Variants in DNAH8 observed in about 807,000 individuals in gnomAD.
DNAH8 encodes dynein axonemal heavy chain 8.
A neutral mutation model predicts 562.1 loss-of-function variants in DNAH8; 382 were observed. The ratio of observed to expected loss-of-function variants is 0.68; its 90% CI spans 0.63 to 0.74. The LOEUF (loss-of-function observed/expected upper bound fraction) is 0.74, where lower values mean the gene tolerates loss of function less well. DNAH8 is among the 30% of genes least tolerant of loss of function. The pLI is 0.00. For missense variants in DNAH8, 5,203 were observed against 5,620.4 expected, an observed-to-expected ratio of 0.93 and a Z score of 2.37; for synonymous variants, 1,881 against 1,919.4, an observed-to-expected ratio of 0.98 and a Z score of 0.52.
chr6:38,916,614 C>T (rs974801394), intron 68 of DNAH8, among the ~76,000 whole-genome samples: 1 of 152,190 alleles, frequency 6.6e-6, no homozygotes, highest in Non-Finnish European at 1.5e-5. Flanking sequence ...TGCACCCCCA[C>T]TTCCTTTATG....
chr6:38,929,677 T>TAA lies in DNAH8; in HGVS notation c.11274+25_11274+26dup, dbSNP rs376615002. Reference sequence around the variant, plus strand: ...GGCACCACTTTCAAGGTGAGCTTTGTAAAAAAAAAAAAAAAGAAAGAAAGA... The same window carrying TAA: ...GGCACCACTTTCAAGGTGAGCTTTGTAAAAAAAAAAAAAAAAAGAAAGAAAGA... On this transcript the variant is annotated intron_variant, in intron 75 of 92. Coordinates refer to ENST00000327475, the MANE Select transcript of DNAH8 (RefSeq NM_001206927.2). 2,480 of 1,095,242 alleles carry TAA rather than the reference T, an allele frequency of 2.3e-3. 12 individuals carry two copies. Among genetic ancestry groups the TAA allele is most frequent in the East Asian group, 0.022 (704 of 31,594 alleles). The allele number at this position is 1,095,242 out of a possible 1,614,324, so 67.8% of individuals were successfully genotyped here. A position where few individuals can be genotyped will look rare whatever the true frequency, so the allele number is the denominator to read the frequency against.
At position 38,770,509 on chromosome 6, in the gene DNAH8, G is replaced by C. The variant is rs1347893341; in HGVS notation, c.1714G>C (p.Glu572Gln). The change falls in exon 12 of 93, where the codon GAA becomes CAA. Residue 572 changes from glutamate to glutamine, a missense_variant. Coordinates refer to ENST00000327475, the MANE Select transcript of DNAH8 (RefSeq NM_001206927.2). ...AGGGGAAAAATCTTTTGAGGTTTCA[G>C]AAATGTATATATTTGGAAAATTTGA... ...SSGEKSFEVS[E>Q]MYIFGKFEAF... 2 of 1,606,708 alleles carry C rather than the reference G, an allele frequency of 1.2e-6. No homozygotes were observed.
chr6:38,736,360 A>G (rs975266572), intron 5 of DNAH8, among the ~76,000 whole-genome samples: 2 of 152,196 alleles, frequency 1.3e-5, no homozygotes, highest in African/African-American at 4.8e-5. Context: ...TCATCAGAAT[A>G]CTAAGATGCT....
Position 38,940,217 on chromosome 6 carries a change from C to A in DNAH8, c.12007+1229C>A, listed in dbSNP as rs763129589. Among the ~76,000 whole-genome samples, 4 of 152,130 alleles carry A rather than the reference C, an allele frequency of 2.6e-5. No homozygotes were observed. The South Asian group carries it at 6.2e-4, about 24-fold the overall frequency. On this transcript the variant is annotated intron_variant, in intron 79 of 92. Transcript: ENST00000327475. ...CCCAACTGCAGGAATACATTCCTAA[C>A]CTAGCGTAAAGGCAATGGGAATATA...
chr6:38,968,127 C>G (rs555212941), intron 82 of DNAH8, among the ~76,000 whole-genome samples: 1 of 152,106 alleles, frequency 6.6e-6, no homozygotes, highest in Non-Finnish European at 1.5e-5. Flanking sequence ...TACATCACAA[C>G]ATACACAAAA....
At chr6:38,805,397 C>A (rs907860477) in intron 22 of DNAH8, 84 bp from the exon 23 acceptor site, 41 of 813,416 alleles carry the variant, frequency 5.0e-5, no homozygotes, top group African/African-American at 4.0e-4. Context: ...TAAAAAGGAA[C>A]TTCCTAAGAG....
In DNAH8 at chr6:38,752,494, T is replaced by C. The variant is rs549731992; in HGVS notation, c.1407+1905T>C. 1.7e-3 allele frequency among the ~76,000 whole-genome samples: 265 copies of C among 152,354 alleles called. 4 individuals carry two copies. The highest frequency in any genetic ancestry group is 6.2e-3 in the African/African-American group (258 of 41,580). ...AAATTAATTTAATTTGTGTCTGATA[T>C]CTGTGTCAGTATTCTTCACTCTAAT... On this transcript the variant is annotated intron_variant, in intron 9 of 92. Coordinates refer to ENST00000327475, the MANE Select transcript of DNAH8 (RefSeq NM_001206927.2).
chr6:38,935,677 A>G lies in DNAH8; in HGVS notation c.11543A>G (p.Tyr3848Cys). 1.2e-6 allele frequency: 2 copies of G among 1,609,664 alleles called. No individual in the cohort carries two copies. Among genetic ancestry groups the G allele is most frequent in the Admixed American group, 1.7e-5 (1 of 59,686 alleles). The change falls in exon 77 of 93, where the codon TAT becomes TGT. Residue 3848 changes from tyrosine (Y) to cysteine (C), a missense_variant. Around this residue, in one of 6 missense-constraint regions of DNAH8, gnomAD observed 1,399 missense variants for 1,518.4 expected, o/e 0.92. Transcript: ENST00000327475. ...KMKELEDNLLYKLSATKGSLV... is the reference protein window; with the variant it reads ...KMKELEDNLLCKLSATKGSLV... ...AAAGAACTTGAAGATAACCTCCTCT[A>G]TAAATTAAGTGCTACAAAAGGTATT... is the stretch of plus-strand genomic sequence containing the variant.
In DNAH8 at chr6:38,823,695, T is replaced by A. The variant is rs1428247262; in HGVS notation, c.3847+7T>A. 6 of 1,580,698 alleles carry A rather than the reference T, an allele frequency of 3.8e-6. No homozygotes were observed. The highest frequency in any genetic ancestry group is 1.8e-5 in the Admixed American group (1 of 57,062). On this transcript the variant is annotated splice_region_variant and intron_variant, in intron 28 of 92. Coordinates refer to ENST00000327475, the MANE Select transcript of DNAH8 (RefSeq NM_001206927.2). ...GCACTTGAATTACATACAGGTATTTTAAAAATGTTTATTATGTAAAGTATC... is the reference window on the plus strand; with the variant it reads ...GCACTTGAATTACATACAGGTATTTAAAAAATGTTTATTATGTAAAGTATC...
intron 89 of DNAH8, among the ~76,000 whole-genome samples, chr6:39,010,961 C>T (rs1766174917): frequency 6.6e-6 from 1 of 151,862 alleles, no homozygotes; most frequent in Non-Finnish European, 1.5e-5. Flanking sequence ...GGCTCTAGAA[C>T]CAAGAATTCT....
Position 38,898,367 on chromosome 6 carries a change from CTCATCT to C in DNAH8, c.9052_9057del (p.His3018_Leu3019del). The C allele has an allele frequency of 6.4e-7, 1 of 1,574,742 alleles. No homozygotes were observed. The highest frequency in any genetic ancestry group is 8.6e-7 in the Non-Finnish European group (1 of 1,166,914). ...CTGGTGTTTTTTAAAGATGCAATGA[CTCATCT>C]TATTAAGGTCCTAACTATTGCCTAT... On this transcript the variant is annotated inframe_deletion, in exon 61 of 93. Transcript: ENST00000327475.
intron 53 of DNAH8, among the ~76,000 whole-genome samples, chr6:38,879,541 G>T (rs1205807152): frequency 6.6e-6 from 1 of 152,186 alleles, no homozygotes; most frequent in Non-Finnish European, 1.5e-5. Context: ...ACACTCTTTT[G>T]TGATGAAATA....
At chr6:38,816,016 T>G (rs1323718577) in intron 26 of DNAH8, among the ~76,000 whole-genome samples, 1 of 152,032 alleles carries the variant, frequency 6.6e-6, no homozygotes, top group Non-Finnish European at 1.5e-5. Flanking sequence ...TTTTGACACT[T>G]CCTGTATAGA....
intron 68 of DNAH8, 68 bp downstream of exon 68, chr6:38,915,445 T>A (rs941232648): frequency 8.0e-7 from 1 of 1,248,406 alleles, no homozygotes; most frequent in Non-Finnish European, 1.0e-6. Flanking sequence ...TACATGAAAT[T>A]AACTCATCAG....
intron 86 of DNAH8, 58 bp downstream of exon 86, chr6:38,982,520 A>G (rs1764103917): frequency 3.1e-6 from 3 of 960,526 alleles, no homozygotes; most frequent in East Asian, 4.8e-5. Flanking sequence ...TCAGGGTTCT[A>G]CAGTCATTTG....
rs112269483 is a variant in DNAH8, at chr6:38,897,008, G to A, written c.8940+783G>A. On this transcript the variant is annotated intron_variant, in intron 60 of 92. Coordinates refer to ENST00000327475, the MANE Select transcript of DNAH8 (RefSeq NM_001206927.2). ...CACCGTGTTGGTCCTGTGATTACAG[G>A]TGCTCGCTACCATGCCTGGCTAATT... Among the ~76,000 whole-genome samples, 1,452 of 151,926 alleles carry A rather than the reference G, an allele frequency of 9.6e-3. 19 individuals are homozygous for A. Among genetic ancestry groups the A allele is most frequent in the African/African-American group, 0.032 (1,313 of 41,428 alleles).
At chr6:38,858,754 G>A (rs962938174) in intron 42 of DNAH8, among the ~76,000 whole-genome samples, 38 of 152,118 alleles carry the variant, frequency 2.5e-4, no homozygotes, top group Non-Finnish European at 3.8e-4. Flanking sequence ...ATATTGTTTT[G>A]GCCTTCCACG....
intron 88 of DNAH8, among the ~76,000 whole-genome samples, chr6:38,990,420 T>C (rs935942586): frequency 6.6e-6 from 1 of 152,214 alleles, no homozygotes; most frequent in Non-Finnish European, 1.5e-5. Context: ...GATTATTTCT[T>C]CTCTGTCATG....
chr6:39,013,031 T>C lies in DNAH8; in HGVS notation c.13714+394T>C, dbSNP rs1561975829. On this transcript the variant is annotated intron_variant, in intron 91 of 92. Coordinates refer to ENST00000327475, the MANE Select transcript of DNAH8 (RefSeq NM_001206927.2). ...GTTTCCAGGGTTTAGAAAATTATAT[T>C]GGTTTCAAAAATGACTGTGACAAAA... is the stretch of plus-strand genomic sequence containing the variant. 2.0e-5 allele frequency among the ~76,000 whole-genome samples: 3 copies of C among 152,352 alleles called. No individual in the cohort carries two copies. The East Asian group carries it at 5.8e-4, about 29-fold the overall frequency.
Sources: allele counts gnomAD v4.1 joint callset (sites outside exome capture counted in the v4.1 genomes callset), GRCh38; gene constraint gnomAD v4.1.1; regional missense constraint gnomAD v4.1.1; transcripts MANE v1.5; gene names NCBI Gene and HGNC (gene_info 2026-07-23, HGNC 2026-07-21).